UNC93A: variants seen among roughly 807,000 people sequenced by gnomAD.
UNC93A encodes the protein unc-93 homolog A, also known as N-acetylglucosamine transporter UNC93A.
Under a neutral mutation model 47.5 loss-of-function variants are expected in UNC93A, and 43 were observed. That is an observed-to-expected ratio of 0.91 (90% CI 0.71 to 1.17). UNC93A has a LOEUF of 1.17. UNC93A is among the 50% of genes most tolerant of loss of function. The pLI, the probability that UNC93A is intolerant of heterozygous loss-of-function variation, is 0.00. For synonymous variants in UNC93A, 280 were observed against 258.0 expected (o/e 1.09, Z -0.82); for missense variants, 605 against 577.6 (o/e 1.05, Z -0.49).
At chr6:167,278,973 C>A (rs1293340843) in intron 1 of UNC93A, among the ~76,000 whole-genome samples, 1 of 152,230 alleles carries the variant, frequency 6.6e-6, no homozygotes, top group Non-Finnish European at 1.5e-5. Flanking sequence ...TTTTAATTAA[C>A]TTTGACGAAA....
rs558137541 is a variant in UNC93A, at chr6:167,303,291, C to A, written c.626-628C>A. On this transcript the variant is annotated intron_variant, in intron 4 of 7. Coordinates refer to ENST00000230256, the MANE Select transcript of UNC93A (RefSeq NM_018974.4). ...TTCTTACTAAATTCAATTGGTAGCG[C>A]ACTCTACACAGAGGTCTGCATCTTG... Among the ~76,000 whole-genome samples, 6 of 152,250 alleles carry A rather than the reference C, an allele frequency of 3.9e-5. No individual in the cohort carries two copies. In the East Asian group the frequency reaches 9.7e-4, roughly 24 times the overall value.
At chr6:167,284,843 C>T (rs1299826198) in intron 1 of UNC93A, among the ~76,000 whole-genome samples, 1 of 150,394 alleles carries the variant, frequency 6.6e-6, no homozygotes, top group Non-Finnish European at 1.5e-5. Flanking sequence ...TGCTTGAGAA[C>T]ATTGGGAGAT....
At chr6:167,276,870 T>C (rs897100255) in intron 1 of UNC93A, among the ~76,000 whole-genome samples, 2 of 152,226 alleles carry the variant, frequency 1.3e-5, no homozygotes, top group Non-Finnish European at 2.9e-5. Context: ...TTGGTACCAA[T>C]AAACATGAGC....
upstream of UNC93A, among the ~76,000 whole-genome samples, chr6:167,286,433 T>A (rs1384037774): frequency 2.0e-5 from 3 of 152,202 alleles, no homozygotes; most frequent in Non-Finnish European, 4.4e-5. Context: ...TGCCTCAGTC[T>A]CACCTGCTGA....
Position 167,304,080 on chromosome 6 carries a change from C to G in UNC93A, c.787C>G (p.Leu263Val). The G allele has an allele frequency of 1.2e-6, 2 of 1,614,174 alleles. No individual in the cohort carries two copies. The highest frequency in any genetic ancestry group is 1.7e-6 in the Non-Finnish European group (2 of 1,180,038). The change falls in exon 5 of 8, where the codon CTG becomes GTG. Residue 263 changes from leucine (L) to valine (V), a missense_variant. Physicochemically the swap from Leu to Val is conservative, Grantham distance 32. Coordinates refer to ENST00000230256, the MANE Select transcript of UNC93A (RefSeq NM_018974.4). ...TAAACGTCTGTGCCTCTTAATTCTG[C>G]TGCCGCTGTACAGTGGATTGCAGCA... Reference protein sequence around the residue: ...RDKRLCLLILLPLYSGLQQGF... With the variant: ...RDKRLCLLILVPLYSGLQQGF...
In UNC93A at chr6:167,315,737, T is replaced by C. The variant is rs1778675676; in HGVS notation, c.*285T>C. 3.2e-6 allele frequency: 1 copy of C among 311,806 alleles called. No homozygotes were observed. Among genetic ancestry groups the C allele is most frequent in the Non-Finnish European group, 5.7e-6 (1 of 174,188 alleles). The allele number at this position is 311,806 out of a possible 1,614,324, so 19.3% of individuals were successfully genotyped here. A position where few individuals can be genotyped will look rare whatever the true frequency, so the allele number is the denominator to read the frequency against. ...TACAATCAGCCAATTAGAATTTGCC[T>C]GAAATCATAGACTCACCCTAGTTTT... On this transcript the variant is annotated 3_prime_UTR_variant, in exon 8 of 8. Transcript: ENST00000230256.
upstream of UNC93A, among the ~76,000 whole-genome samples, chr6:167,287,368 T>A (rs1583067167): frequency 6.6e-6 from 1 of 152,110 alleles, no homozygotes; most frequent in South Asian, 2.1e-4. Context: ...GTGGATAGCG[T>A]GTGTACCACC....
chr6:167,281,951 C>A (rs551327435), intron 1 of UNC93A, among the ~76,000 whole-genome samples: 2 of 152,176 alleles, frequency 1.3e-5, no homozygotes, highest in Non-Finnish European at 2.9e-5. Flanking sequence ...ATGTAGATGA[C>A]GACCTCTACT....
Position 167,294,673 on chromosome 6 carries a change from T to C in UNC93A, c.244T>C (p.Ser82Pro), listed in dbSNP as rs200543474. ...CTCCATGTGTGGCTACGTGGCCTTC[T>C]CCGTGGGCAACTTCTTCGCCAGCTG... The part of the protein sequence containing the change: ...ILSMCGYVAF[S>P]VGNFFASWYT... Residue 82 changes from serine (S) to proline (P), a missense_variant, in exon 2 of 8, where the codon TCC becomes CCC. Transcript: ENST00000230256. 6.2e-7 allele frequency: 1 copy of C among 1,601,398 alleles called. No individual in the cohort carries two copies. Among genetic ancestry groups the C allele is most frequent in the African/African-American group, 1.3e-5 (1 of 74,744 alleles).
intron 1 of UNC93A, among the ~76,000 whole-genome samples, chr6:167,293,059 C>T (rs1783878546): frequency 6.6e-6 from 1 of 152,182 alleles, no homozygotes; most frequent in Non-Finnish European, 1.5e-5. Flanking sequence ...GGTCCCTCCT[C>T]TCAGGCTGTG....
chr6:167,307,681 C>T (rs553131022), intron 6 of UNC93A, 98 bp from the exon 7 acceptor site: 35 of 1,327,754 alleles, frequency 2.6e-5, no homozygotes, highest in African/African-American at 1.4e-4. Flanking sequence ...TTCCAGAGGA[C>T]GGTTGAGATG....
rs1583099973 is a variant in UNC93A at position 167,315,238 on chromosome 6, A to C, written c.1160A>C (p.Tyr387Ser). The change falls in exon 8 of 8, where the codon TAC (tyrosine) becomes TCC (serine). Residue 387 changes from tyrosine (Y) to serine (S), a missense_variant. By Grantham distance (144) the Tyr-to-Ser change is moderately radical. Coordinates refer to ENST00000230256, the MANE Select transcript of UNC93A (RefSeq NM_018974.4). Reference sequence around the variant, plus strand: ...AGCAAGGAAGCTGCCTTCGCCAATTACCGCCTGTGGGAGGCCCTGGGCTTC... The same window carrying C: ...AGCAAGGAAGCTGCCTTCGCCAATTCCCGCCTGTGGGAGGCCCTGGGCTTC... ...EKSKEAAFANYRLWEALGFVI... is the reference protein window; with the variant it reads ...EKSKEAAFANSRLWEALGFVI... The C allele has an allele frequency of 6.2e-7, 1 of 1,613,716 alleles. No individual in the cohort carries two copies. The highest frequency in any genetic ancestry group is 8.5e-7 in the Non-Finnish European group (1 of 1,179,868).
At chr6:167,277,369 G>A (rs890083564) in intron 1 of UNC93A, among the ~76,000 whole-genome samples, 1 of 152,322 alleles carries the variant, frequency 6.6e-6, no homozygotes, top group South Asian at 2.1e-4. Context: ...CTGACCATGG[G>A]GCTCTCCAGG....
At chr6:167,311,380 C>A (rs1177892907) in intron 7 of UNC93A, among the ~76,000 whole-genome samples, 2 of 152,220 alleles carry the variant, frequency 1.3e-5, no homozygotes, top group Non-Finnish European at 2.9e-5. Flanking sequence ...TCCCACTGGG[C>A]TCCAGCCATC....
At position 167,305,278 on chromosome 6, in the gene UNC93A, T is replaced by G. The variant is rs959749816; in HGVS notation, c.841-637T>G. Reference sequence around the variant, plus strand: ...TTAGGACAGCCTTGATGGAGAATCTTAGGAGCTTAAAAGAGTAGAAACAGG... The same window carrying G: ...TTAGGACAGCCTTGATGGAGAATCTGAGGAGCTTAAAAGAGTAGAAACAGG... On this transcript the variant is annotated intron_variant, in intron 5 of 7. Coordinates refer to ENST00000230256, the MANE Select transcript of UNC93A (RefSeq NM_018974.4). 9.9e-5 allele frequency among the ~76,000 whole-genome samples: 15 copies of G among 152,208 alleles called. 1 individual carries two copies. Among genetic ancestry groups the G allele is most frequent in the African/African-American group, 3.6e-4 (15 of 41,458 alleles).
At chr6:167,290,167 G>A (rs1160920665), upstream of UNC93A, among the ~76,000 whole-genome samples, 1 of 152,194 alleles carries the variant, frequency 6.6e-6, no homozygotes, top group Non-Finnish European at 1.5e-5. Context: ...GTGTGAACCC[G>A]TGGAGCTCAT....
intron 1 of UNC93A, among the ~76,000 whole-genome samples, chr6:167,272,751 G>T (rs796338460): frequency 7.2e-5 from 11 of 152,300 alleles, no homozygotes; most frequent in African/African-American, 2.6e-4. Flanking sequence ...GGAGCAAATA[G>T]AAAGAAATTA....
rs752056401 is a variant in UNC93A at position 167,298,070 on chromosome 6, G to A, written c.625G>A (p.Gly209Arg). 7 of 1,613,552 alleles carry A rather than the reference G, an allele frequency of 4.3e-6. No individual in the cohort carries two copies. Among genetic ancestry groups the A allele is most frequent in the African/African-American group, 1.3e-5 (1 of 74,972 alleles). Residue 209 changes from glycine (G) to arginine (R), a missense_variant and splice_region_variant, in exon 4 of 8, where the codon GGG (glycine) becomes AGG (arginine). Physicochemically the swap from Gly to Arg is moderately radical, Grantham distance 125. Transcript: ENST00000230256. ...CTACACCCTCCTGGGCATCTACACTGGTACGAGCTCCATCGGCCCAGGGCA... is the reference window on the plus strand; with the variant it reads ...CTACACCCTCCTGGGCATCTACACTAGTACGAGCTCCATCGGCCCAGGGCA... Reference protein sequence around the residue: ...LVYTLLGIYTGSGVLAVLMIA... With the variant: ...LVYTLLGIYTRSGVLAVLMIA...
chr6:167,275,946 G>C (rs1348301064), intron 1 of UNC93A, among the ~76,000 whole-genome samples: 1 of 152,054 alleles, frequency 6.6e-6, no homozygotes. Context: ...CCGCCTAGCT[G>C]TGATTTTGTG....
Sources: allele counts gnomAD v4.1 joint callset (sites outside exome capture counted in the v4.1 genomes callset), GRCh38; gene constraint gnomAD v4.1.1; transcripts MANE v1.5; gene names NCBI Gene and HGNC (gene_info 2026-07-23, HGNC 2026-07-21).